CELF2: variants seen among roughly 807,000 people sequenced by gnomAD.
The protein encoded by CELF2 is CUG triplet repeat RNA-binding protein 2.
CELF2 carries 8 observed loss-of-function variants against 62.6 expected under a neutral mutation model. The observed-to-expected ratio is 0.13, with a 90% CI of 0.07 to 0.23. The LOEUF (loss-of-function observed/expected upper bound fraction) is 0.23. Among genes scored for constraint, CELF2 ranks in the 10% least tolerant of loss-of-function variants. The pLI, the probability that CELF2 is intolerant of heterozygous loss-of-function variation, is 1.00. For missense variants in CELF2, 333 were observed against 671.0 expected (o/e 0.50, Z 5.56); for synonymous variants, 258 against 250.0 (o/e 1.03, Z -0.30).
chr10:10,780,930 G>A, the CELF2 span, among the ~76,000 whole-genome samples: 34 of 152,354 alleles, frequency 2.2e-4, no homozygotes, highest in Admixed American at 2.2e-3. Context: ...ACTACAGACT[G>A]AGCAACTACT....
At chr10:10,623,696 T>G in the CELF2 span, among the ~76,000 whole-genome samples, 7 of 152,200 alleles carry the variant, frequency 4.6e-5, no homozygotes, top group Admixed American at 2.6e-4. Context: ...GAAGACATAC[T>G]GAAATAATGA....
intron 2 of CELF2, among the ~76,000 whole-genome samples, chr10:10,941,303 C>A (rs1003533743): frequency 2.0e-5 from 3 of 152,016 alleles, no homozygotes; most frequent in Non-Finnish European, 4.4e-5. Context: ...TGATGCCATC[C>A]CCCTCTCTAG....
intron 5 of CELF2, among the ~76,000 whole-genome samples, chr10:11,264,554 G>A (rs2081621774): frequency 6.6e-6 from 1 of 152,148 alleles, no homozygotes; most frequent in Non-Finnish European, 1.5e-5. Context: ...GATAAGAAGT[G>A]GAAAAATAAA....
the CELF2 span, among the ~76,000 whole-genome samples, chr10:10,736,062 C>T: frequency 6.6e-6 from 1 of 152,164 alleles, no homozygotes; most frequent in Non-Finnish European, 1.5e-5. Flanking sequence ...GGAAATTGGA[C>T]TAGATTTTAT....
In CELF2 at chr10:11,305,721, C is replaced by T. The variant is rs991815675; in HGVS notation, c.977-8418C>T. ...TTCTGGGTGTAGTGTTCATCCCAGA[C>T]CTAGCACAGCTCTAAGGAGAAGGAA... On this transcript the variant is annotated intron_variant, in intron 9 of 12. Coordinates refer to ENST00000633077, the MANE Select transcript of CELF2 (RefSeq NM_001326342.2). This position sits in a 1 kb window ranked among gnomAD's most constrained non-coding sequence, Gnocchi z 4.8. Among the ~76,000 whole-genome samples, 9 of 152,206 alleles carry T rather than the reference C, an allele frequency of 5.9e-5. No homozygotes were observed. The highest frequency in any genetic ancestry group is 1.2e-4 in the Non-Finnish European group (8 of 68,040).
At position 10,984,477 on chromosome 10, in the gene CELF2, G is replaced by A. The variant is rs17149193; in HGVS notation, c.89+64478G>A. 2.0e-3 allele frequency among the ~76,000 whole-genome samples: 303 copies of A among 152,262 alleles called. 3 individuals are homozygous for A. The highest frequency in any genetic ancestry group is 6.6e-3 in the African/African-American group (275 of 41,550). On this transcript the variant is annotated intron_variant, in intron 2 of 13. Coordinates refer to the CELF2 transcript ENST00000636488. ...GTTATGTGGACATAAGCCTGGCGCC[G>A]TTTGATTCTGACTCTAATGATATTT...
At chr10:10,477,100 C>T in the CELF2 span, among the ~76,000 whole-genome samples, 1 of 152,144 alleles carries the variant, frequency 6.6e-6, no homozygotes, top group Non-Finnish European at 1.5e-5. Flanking sequence ...ATAATTCAAA[C>T]TAGTTAACCT....
At chr10:11,142,745 G>A (rs544855728) in intron 1 of CELF2, among the ~76,000 whole-genome samples, 5 of 151,142 alleles carry the variant, frequency 3.3e-5, no homozygotes, top group African/African-American at 9.7e-5. Flanking sequence ...CACAGGATCC[G>A]AGAAATACAC....
chr10:11,139,650 T>A (rs1050332577), intron 1 of CELF2, among the ~76,000 whole-genome samples: 1 of 152,214 alleles, frequency 6.6e-6, no homozygotes, highest in East Asian at 1.9e-4. Context: ...GTGCAATTAA[T>A]GTATACATCT....
intron 1 of CELF2, among the ~76,000 whole-genome samples, chr10:11,125,919 C>T (rs1471581719): frequency 1.3e-5 from 2 of 152,188 alleles, no homozygotes; most frequent in Non-Finnish European, 1.5e-5. Context: ...GTTTGTGTGG[C>T]TTCCACCAAT....
chr10:10,549,919 G>A, the CELF2 span, among the ~76,000 whole-genome samples: 4 of 152,256 alleles, frequency 2.6e-5, no homozygotes, highest in East Asian at 7.7e-4. Flanking sequence ...GGGAAAGGAA[G>A]GTCTCAGCAC....
chr10:11,128,655 C>G (rs767330468), intron 1 of CELF2, among the ~76,000 whole-genome samples: 4 of 152,100 alleles, frequency 2.6e-5, no homozygotes. Context: ...AATGGGAGTT[C>G]ACTCATGATT....
chr10:11,322,309 G>A (rs1009629609), intron 11 of CELF2, among the ~76,000 whole-genome samples: 2 of 152,190 alleles, frequency 1.3e-5, no homozygotes, highest in African/African-American at 4.8e-5. Flanking sequence ...GTAAGTGATC[G>A]ATTGCCTTGC....
At chr10:10,530,798 C>T in the CELF2 span, among the ~76,000 whole-genome samples, 1 of 152,218 alleles carries the variant, frequency 6.6e-6, no homozygotes, top group Non-Finnish European at 1.5e-5. Flanking sequence ...TCATGCTCTT[C>T]ACTAATTCTT....
intron 1 of CELF2, among the ~76,000 whole-genome samples, chr10:11,083,463 G>T (rs1026093461): frequency 2.0e-5 from 3 of 152,158 alleles, no homozygotes; most frequent in Non-Finnish European, 2.9e-5. Context: ...ATCTATTTCT[G>T]TCACGGAGGG....
chr10:11,149,339 C>T (rs185786468), intron 1 of CELF2, among the ~76,000 whole-genome samples: 163 of 152,244 alleles, frequency 1.1e-3, no homozygotes, highest in Non-Finnish European at 1.9e-3. Context: ...CAAAGTGCTG[C>T]GATAACAGGC....
chr10:11,094,737 GT>G (rs779425959), intron 1 of CELF2, among the ~76,000 whole-genome samples: 8 of 152,166 alleles, frequency 5.3e-5, no homozygotes, highest in Non-Finnish European at 1.0e-4. Context: ...CCGTCATTTG[GT>G]TTCTGAATCT....
chr10:10,936,688 G>A lies in CELF2; in HGVS notation c.89+16689G>A, dbSNP rs1410930470. On this transcript the variant is annotated intron_variant, in intron 2 of 13. Coordinates refer to the CELF2 transcript ENST00000636488. This position sits in a 1 kb window ranked among gnomAD's most constrained non-coding sequence, Gnocchi z 4.0. ...CCTGGGGACAAAATCTTCATTTCTA[G>A]CGTTTTCCACCATAACCTTGTTCTG... is the stretch of plus-strand genomic sequence containing the variant. 1 of 152,166 alleles carries A rather than the reference G, an allele frequency of 6.6e-6. No homozygotes were observed. The highest frequency in any genetic ancestry group is 1.5e-5 in the Non-Finnish European group (1 of 68,044). The allele number at this position is 152,166 out of a possible 1,614,324, so 9.4% of individuals were successfully genotyped here.
At chr10:10,654,315 C>A in the CELF2 span, among the ~76,000 whole-genome samples, 1 of 110,856 alleles carries the variant, frequency 9.0e-6, no homozygotes, top group African/African-American at 3.3e-5. Context: ...ACCATTCCTT[C>A]TGAAACTATT....
Sources: allele counts gnomAD v4.1 joint callset (sites outside exome capture counted in the v4.1 genomes callset), GRCh38; gene constraint gnomAD v4.1.1; non-coding constraint Gnocchi (gnomAD v3.1); transcripts MANE v1.5; gene names NCBI Gene and HGNC (gene_info 2026-07-23, HGNC 2026-07-21).